Variants in CPEB3 observed in about 807,000 individuals in gnomAD.
CPEB3 encodes cytoplasmic polyadenylation element-binding protein 3.
CPEB3 carries 20 observed loss-of-function variants against 67.2 expected under a neutral mutation model. The ratio of observed to expected loss-of-function variants is 0.30; its 90% CI spans 0.21 to 0.43. The LOEUF (loss-of-function observed/expected upper bound fraction) is 0.43. Ranked by LOEUF, CPEB3 falls within the 20% of genes least tolerant of loss-of-function variation. CPEB3 has a pLI of 1.00. For synonymous variants in CPEB3, 376 were observed against 393.1 expected, an observed-to-expected ratio of 0.96 and a Z score of 0.51; for missense variants, 746 against 968.6, an observed-to-expected ratio of 0.77 and a Z score of 3.05.
chr10:92,253,463 C>CAAAAAAAAAAAAAAA (rs370091703), intron 1 of CPEB3, among the ~76,000 whole-genome samples: 27 of 76,578 alleles, frequency 3.5e-4, no homozygotes, highest in Admixed American at 5.3e-4. Flanking sequence ...TGTCTCAAAA[C>CAAAAAAAAAAAAAAA]AAAAAAAAAA....
intron 1 of CPEB3, among the ~76,000 whole-genome samples, chr10:92,284,061 A>T (rs1590620832): frequency 1.0e-5 from 1 of 95,702 alleles, no homozygotes; most frequent in African/African-American, 4.1e-5. Flanking sequence ...TTTTCCTGAG[A>T]CAGAGTCTCA....
intron 7 of CPEB3, among the ~76,000 whole-genome samples, chr10:92,098,770 CTTTTTTTTTTTTTT>C (rs984013045): frequency 8.0e-6 from 1 of 124,558 alleles, no homozygotes; most frequent in Admixed American, 8.1e-5. Flanking sequence ...TTCTTTTTTT[CTTTTTTTTTTTTTT>C]TTTTTGAGAT....
chr10:92,151,873 A>G (rs1307201373), intron 4 of CPEB3, among the ~76,000 whole-genome samples: 1 of 151,758 alleles, frequency 6.6e-6, no homozygotes, highest in East Asian at 1.9e-4. Flanking sequence ...CTTCTCTCCA[A>G]CTCCACTGCC....
intron 2 of CPEB3, among the ~76,000 whole-genome samples, chr10:92,230,039 T>TC (rs1851192034): frequency 1.3e-5 from 2 of 149,660 alleles, no homozygotes; most frequent in South Asian, 4.2e-4. Flanking sequence ...AGAGCGAAAC[T>TC]CCGTCTAAAA....
At chr10:92,082,321 G>A (rs1843187951) in intron 8 of CPEB3, among the ~76,000 whole-genome samples, 1 of 152,128 alleles carries the variant, frequency 6.6e-6, no homozygotes, top group African/African-American at 2.4e-5. Flanking sequence ...GTCTCGCTCT[G>A]TTGCCCAGGC....
At chr10:92,118,158 T>C (rs1253863852) in intron 6 of CPEB3, among the ~76,000 whole-genome samples, 1 of 152,098 alleles carries the variant, frequency 6.6e-6, no homozygotes, top group Non-Finnish European at 1.5e-5. Context: ...CAAGATGGAG[T>C]TTCGCTCTTG....
intron 4 of CPEB3, among the ~76,000 whole-genome samples, chr10:92,158,240 T>G (rs953598612): frequency 1.3e-5 from 2 of 152,130 alleles, no homozygotes; most frequent in African/African-American, 2.4e-5. Flanking sequence ...TAAAAAACCT[T>G]TATGAAGTAC....
At chr10:92,173,229 A>G (rs1848084194) in intron 4 of CPEB3, among the ~76,000 whole-genome samples, 1 of 152,196 alleles carries the variant, frequency 6.6e-6, no homozygotes, top group Admixed American at 6.5e-5. Flanking sequence ...CTGCCTATAC[A>G]AGTGGAGAAA....
intron 1 of CPEB3, among the ~76,000 whole-genome samples, chr10:92,245,954 C>T (rs187048105): frequency 8.0e-4 from 122 of 152,092 alleles, no homozygotes; most frequent in African/African-American, 2.8e-3. Flanking sequence ...AGGAGAATCA[C>T]TAGAACCTGG....
At chr10:92,066,962 T>C (rs1057113769) in intron 9 of CPEB3, among the ~76,000 whole-genome samples, 9 of 151,724 alleles carry the variant, frequency 5.9e-5, no homozygotes, top group Non-Finnish European at 1.0e-4. Flanking sequence ...GGCAGGAGAA[T>C]TGCTTGAACC....
chr10:92,089,515 G>A (rs961491843), intron 8 of CPEB3, among the ~76,000 whole-genome samples: 3 of 152,066 alleles, frequency 2.0e-5, no homozygotes, highest in South Asian at 2.1e-4. Flanking sequence ...GGCTGGGCAC[G>A]GTGGCTCACA....
intron 4 of CPEB3, among the ~76,000 whole-genome samples, chr10:92,159,621 G>A (rs2133940406): frequency 6.6e-6 from 1 of 152,014 alleles, no homozygotes; most frequent in Non-Finnish European, 1.5e-5. Flanking sequence ...GCAGTGAGCC[G>A]AGATCATGCC....
intron 4 of CPEB3, among the ~76,000 whole-genome samples, chr10:92,166,040 C>T (rs1275091066): frequency 1.3e-5 from 2 of 152,046 alleles, no homozygotes; most frequent in East Asian, 3.8e-4. Flanking sequence ...AGAAGGTTTT[C>T]AACTTTGCCT....
At chr10:92,283,072 G>A (rs910375824) in intron 1 of CPEB3, among the ~76,000 whole-genome samples, 35 of 152,098 alleles carry the variant, frequency 2.3e-4, no homozygotes, top group Admixed American at 2.0e-3. Context: ...GCAACATGGC[G>A]AAACCCTGTC....
At chr10:92,150,896 A>G (rs865849723) in intron 4 of CPEB3, among the ~76,000 whole-genome samples, 2 of 152,214 alleles carry the variant, frequency 1.3e-5, no homozygotes, top group Non-Finnish European at 2.9e-5. Flanking sequence ...TGTATATTCA[A>G]TATTTCAATA....
At chr10:92,092,372 T>C (rs2133308666) in intron 7 of CPEB3, among the ~76,000 whole-genome samples, 1 of 152,330 alleles carries the variant, frequency 6.6e-6, no homozygotes, top group African/African-American at 2.4e-5. Flanking sequence ...ATGTCTGACT[T>C]TTTAATTCTC....
chr10:92,185,370 AG>A (rs1848639598), intron 3 of CPEB3, among the ~76,000 whole-genome samples: 1 of 152,152 alleles, frequency 6.6e-6, no homozygotes, highest in African/African-American at 2.4e-5. Context: ...TAGGGGTGAG[AG>A]GGGATGAAGG....
intron 8 of CPEB3, among the ~76,000 whole-genome samples, chr10:92,083,248 G>C (rs1843229307): frequency 6.6e-6 from 1 of 152,172 alleles, no homozygotes; most frequent in Admixed American, 6.5e-5. Flanking sequence ...TAATAAGTAA[G>C]CCTAAGAGTA....
chr10:92,240,480 T>A (rs1851794559), intron 1 of CPEB3, 119 bp from the exon 2 acceptor site: 1 of 948,990 alleles, frequency 1.1e-6, no homozygotes. Flanking sequence ...CCAATTGCAA[T>A]GCAAATCCAT....
Sources: gnomAD v4.1 joint callset for allele counts (sites outside exome capture counted in the v4.1 genomes callset) on GRCh38, gnomAD v4.1.1 for gene constraint, MANE v1.5 for transcripts, NCBI Gene and HGNC (gene_info 2026-07-23, HGNC 2026-07-21) for gene names.